LRP1B: variants seen among roughly 807,000 people sequenced by gnomAD.
LRP1B encodes the protein LDL receptor related protein 1B.
A neutral mutation model predicts 556.6 loss-of-function variants in LRP1B; 217 were observed. The ratio of observed to expected loss-of-function variants is 0.39; its 90% CI spans 0.35 to 0.44. The LOEUF is 0.44. Among genes scored for constraint, LRP1B ranks in the 20% least tolerant of loss-of-function variants. LRP1B has a pLI of 1.00. For synonymous variants in LRP1B, 2,047 were observed against 1,865.8 expected (o/e 1.10, Z -2.50); for missense variants, 5,053 against 5,620.8 (o/e 0.90, Z 3.23).
At chr2:141,332,709 T>C (rs1687699777) in intron 3 of LRP1B, among the ~76,000 whole-genome samples, 1 of 110,386 alleles carries the variant, frequency 9.1e-6, no homozygotes, top group South Asian at 2.5e-4. Flanking sequence ...TTTGTTTTTG[T>C]TTTGCCTTAT....
At chr2:141,830,913 T>G (rs1697093008) in intron 1 of LRP1B, among the ~76,000 whole-genome samples, 1 of 151,760 alleles carries the variant, frequency 6.6e-6, no homozygotes, top group South Asian at 2.1e-4. Context: ...CATAGCTAAG[T>G]GCATCTTAAA....
intron 62 of LRP1B, among the ~76,000 whole-genome samples, chr2:140,451,906 C>T (rs577944592): frequency 6.6e-6 from 1 of 151,942 alleles, no homozygotes; most frequent in African/African-American, 2.4e-5. Context: ...ATTATCCTTT[C>T]CACTTGAAAC....
chr2:142,040,787 G>C (rs1704039794), intron 1 of LRP1B, among the ~76,000 whole-genome samples: 1 of 151,214 alleles, frequency 6.6e-6, no homozygotes, highest in South Asian at 2.1e-4. Context: ...TATTTAGCCT[G>C]GCAGTCCAAA....
At chr2:141,402,919 T>C (rs1314831593) in intron 3 of LRP1B, among the ~76,000 whole-genome samples, 2 of 152,114 alleles carry the variant, frequency 1.3e-5, no homozygotes, top group African/African-American at 4.8e-5. Context: ...TCTTCACTTA[T>C]ATCCAACCAT....
At chr2:140,763,959 G>A (rs918572138) in intron 35 of LRP1B, among the ~76,000 whole-genome samples, 7 of 152,018 alleles carry the variant, frequency 4.6e-5, no homozygotes, top group African/African-American at 1.7e-4. Flanking sequence ...AATTGAAGCA[G>A]CTCTAAAATT....
intron 32 of LRP1B, among the ~76,000 whole-genome samples, chr2:140,791,083 A>G (rs536724680): frequency 3.3e-5 from 5 of 151,728 alleles, no homozygotes; most frequent in Non-Finnish European, 7.4e-5. Flanking sequence ...GTGAAACCCT[A>G]TCTCTACTAA....
rs1281665294 is a variant in LRP1B, at chr2:141,810,162, AAAG to A, written c.205+114_205+116del. 9 of 368,336 alleles carry A rather than the reference AAAG, an allele frequency of 2.4e-5. 1 individual carries two copies. Among genetic ancestry groups the A allele is most frequent in the East Asian group, 2.4e-4 (3 of 12,660 alleles). The allele number at this position is 368,336 out of a possible 1,614,324, so 22.8% of individuals were successfully genotyped here. On this transcript the variant is annotated intron_variant, in intron 2 of 90. Transcript: ENST00000389484. Reference sequence around the variant, plus strand: ...GAAAGAAAGAAAGAAAGAAAGAAAGAAAGAAGGAAAGAAAGAAAGAAAGAATCA... The same window carrying A: ...GAAAGAAAGAAAGAAAGAAAGAAAGAAAGGAAAGAAAGAAAGAAAGAATCA...
intron 2 of LRP1B, among the ~76,000 whole-genome samples, chr2:141,695,196 T>G (rs1691692363): frequency 6.6e-6 from 1 of 151,990 alleles, no homozygotes; most frequent in South Asian, 2.1e-4. Flanking sequence ...TTTTCCTGCC[T>G]CAGATTTAAA....
chr2:141,386,315 A>G lies in LRP1B; in HGVS notation c.343+94081T>C, dbSNP rs75534250. 9.4e-3 allele frequency among the ~76,000 whole-genome samples: 1,432 copies of G among 152,266 alleles called. 13 individuals are homozygous for G. Among genetic ancestry groups the G allele is most frequent in the Non-Finnish European group, 0.016 (1,118 of 67,980 alleles). ...TTTGGATAAGGAATATTCAATCTGTAATACATACAGAAAACAAGTTATAAA... is the reference window on the plus strand; with the variant it reads ...TTTGGATAAGGAATATTCAATCTGTGATACATACAGAAAACAAGTTATAAA... On this transcript the variant is annotated intron_variant, in intron 3 of 90. Transcript: ENST00000389484.
chr2:140,641,073 A>G (rs1050559818), intron 41 of LRP1B, among the ~76,000 whole-genome samples: 1 of 152,130 alleles, frequency 6.6e-6, no homozygotes, highest in African/African-American at 2.4e-5. Flanking sequence ...TCACAATAAA[A>G]CTCCACATAA....
At chr2:141,694,058 C>G (rs929979854) in intron 2 of LRP1B, among the ~76,000 whole-genome samples, 1 of 152,032 alleles carries the variant, frequency 6.6e-6, no homozygotes, top group African/African-American at 2.4e-5. Flanking sequence ...GAGTGTAGCA[C>G]AAGATCGCGG....
chr2:142,044,406 T>C (rs568354900), intron 1 of LRP1B, among the ~76,000 whole-genome samples: 5 of 151,866 alleles, frequency 3.3e-5, no homozygotes, highest in Admixed American at 2.6e-4. Flanking sequence ...AATCCACCGA[T>C]ATAAATCAGT....
At chr2:141,384,449 G>A (rs1343730748) in intron 3 of LRP1B, among the ~76,000 whole-genome samples, 1 of 151,996 alleles carries the variant, frequency 6.6e-6, no homozygotes, top group Middle Eastern at 3.2e-3. Flanking sequence ...ATATTAATAG[G>A]TGTGAAATGT....
At chr2:140,506,252 G>A (rs1398368177) in intron 53 of LRP1B, among the ~76,000 whole-genome samples, 1 of 140,660 alleles carries the variant, frequency 7.1e-6, no homozygotes. Context: ...ATTTATTTAT[G>A]TATTTATTTT....
intron 2 of LRP1B, among the ~76,000 whole-genome samples, chr2:141,763,371 G>A (rs1161427472): frequency 6.6e-6 from 1 of 151,900 alleles, no homozygotes; most frequent in African/African-American, 2.4e-5. Context: ...AGATTATTGG[G>A]CTTAAAATAA....
intron 3 of LRP1B, among the ~76,000 whole-genome samples, chr2:141,367,505 T>C (rs112835052): frequency 0.057 from 6,510 of 114,632 alleles, 291 homozygotes; most frequent in African/African-American, 0.11. Flanking sequence ...TTTTTTGAGA[T>C]GAAGTCTTGC....
intron 85 of LRP1B, among the ~76,000 whole-genome samples, chr2:140,271,578 T>C (rs1036027692): frequency 1.3e-5 from 2 of 151,946 alleles, no homozygotes; most frequent in African/African-American, 4.8e-5. Flanking sequence ...CATTAATTGG[T>C]GTTTAATTTG....
At chr2:141,973,426 T>A (rs1349181324) in intron 1 of LRP1B, among the ~76,000 whole-genome samples, 1 of 151,818 alleles carries the variant, frequency 6.6e-6, no homozygotes, top group Non-Finnish European at 1.5e-5. Context: ...ATATCATATG[T>A]ATATGTATGT....
In LRP1B at chr2:140,514,715, T is replaced by C. The variant is rs1192416661; in HGVS notation, c.8207A>G (p.His2736Arg). ...ACSAQKCISK[H>R]WICDGEDDCG... Reference sequence around the variant, plus strand: ...GTCATCTTCTCCATCACAAATCCAATGCTTAGAAATACATTTTTGTGCGGA... The same window carrying C: ...GTCATCTTCTCCATCACAAATCCAACGCTTAGAAATACATTTTTGTGCGGA... Residue 2736 changes from histidine (H) to arginine (R), a missense_variant, in exon 51 of 91, where the codon CAT becomes CGT. By Grantham distance (29) the His-to-Arg change is conservative. Coordinates refer to ENST00000389484, the MANE Select transcript of LRP1B (RefSeq NM_018557.3). 3 of 1,612,446 alleles carry C rather than the reference T, an allele frequency of 1.9e-6. No homozygotes were observed. Among genetic ancestry groups the C allele is most frequent in the Admixed American group, 1.7e-5 (1 of 59,900 alleles).
Sources: gnomAD v4.1 joint callset for allele counts (sites outside exome capture counted in the v4.1 genomes callset) on GRCh38, gnomAD v4.1.1 for gene constraint, MANE v1.5 for transcripts, NCBI Gene and HGNC (gene_info 2026-07-23, HGNC 2026-07-21) for gene names.